TUSC3: variants seen among roughly 807,000 people sequenced by gnomAD.
The protein encoded by TUSC3 is tumor suppressor candidate 3.
In TUSC3, 45 loss-of-function variants were observed where a neutral mutation model predicts 44.8. The observed-to-expected ratio is 1.00, with a 90% CI of 0.79 to 1.29. The LOEUF is 1.29. Among genes scored for constraint, TUSC3 ranks in the 50% most tolerant of loss-of-function variants. The pLI, the probability that TUSC3 is intolerant of heterozygous loss-of-function variation, is 0.00. For missense variants in TUSC3, 519 were observed against 437.9 expected (o/e 1.19, Z -1.65); for synonymous variants, 212 against 152.9 (o/e 1.39, Z -2.85).
chr8:15,742,130 A>C (rs1388913177), intron 7 of TUSC3, among the ~76,000 whole-genome samples: 1 of 148,598 alleles, frequency 6.7e-6, no homozygotes, highest in Non-Finnish European at 1.5e-5. Flanking sequence ...TACTGCCTAC[A>C]TGATTGAAAG....
intron 1 of TUSC3, among the ~76,000 whole-genome samples, chr8:15,476,376 G>A (rs1563261060): frequency 2.0e-5 from 3 of 152,120 alleles, no homozygotes; most frequent in Non-Finnish European, 4.4e-5. Flanking sequence ...TAAAGGATGT[G>A]CTGACTTTAA....
chr8:15,476,324 G>C (rs918240022), intron 1 of TUSC3, among the ~76,000 whole-genome samples: 2 of 152,054 alleles, frequency 1.3e-5, no homozygotes, highest in Non-Finnish European at 2.9e-5. Flanking sequence ...CTATTCCTCT[G>C]CGTTCTATTA....
chr8:15,692,337 T>C (rs903653965), intron 6 of TUSC3, among the ~76,000 whole-genome samples: 1 of 143,432 alleles, frequency 7.0e-6, no homozygotes, highest in African/African-American at 2.5e-5. Flanking sequence ...GCTAGCCTCA[T>C]AGAATGAGTT....
intron 1 of TUSC3, among the ~76,000 whole-genome samples, chr8:15,454,100 G>A (rs978971255): frequency 6.6e-6 from 1 of 152,146 alleles, no homozygotes; most frequent in African/African-American, 2.4e-5. Context: ...GTGCTGGCAG[G>A]CCACTGCACA....
At chr8:15,720,907 T>G (rs1313135607) in intron 6 of TUSC3, among the ~76,000 whole-genome samples, 1 of 152,106 alleles carries the variant, frequency 6.6e-6, no homozygotes, top group Admixed American at 6.6e-5. Context: ...AGTAATTCCC[T>G]GGCCACCCAG....
chr8:15,689,821 GGTGTGTGTGTGTGTGTGTGTGTGTGT>G (rs71543657), intron 6 of TUSC3, among the ~76,000 whole-genome samples: 3 of 131,022 alleles, frequency 2.3e-5, no homozygotes, highest in Admixed American at 1.6e-4. Flanking sequence ...AATAGTCCAT[GGTGTGTGTGTGTGTGTGTGTGTGTGT>G]GTGTGTGTGT....
chr8:15,740,422 A>T (rs935436972), intron 7 of TUSC3, among the ~76,000 whole-genome samples: 8 of 152,084 alleles, frequency 5.3e-5, no homozygotes, highest in Non-Finnish European at 1.0e-4. Flanking sequence ...TATAAAGGAG[A>T]ATCTGAACGC....
intron 2 of TUSC3, among the ~76,000 whole-genome samples, chr8:15,513,622 C>G (rs1466358833): frequency 1.3e-5 from 2 of 152,084 alleles, no homozygotes; most frequent in Non-Finnish European, 2.9e-5. Flanking sequence ...TAATGGTGGT[C>G]AAGTGCTTTG....
At chr8:15,688,986 G>T in intron 6 of TUSC3, 2 of 248,188 alleles carry the variant, frequency 8.1e-6, no homozygotes, top group South Asian at 9.7e-5. Flanking sequence ...CCTGCTTGCT[G>T]ACTTGGGGTT....
At chr8:15,817,156 C>CT in the TUSC3 span, among the ~76,000 whole-genome samples, 1 of 152,112 alleles carries the variant, frequency 6.6e-6, no homozygotes, top group Non-Finnish European at 1.5e-5. Flanking sequence ...TGATGTTTCT[C>CT]TTTTTTAAAA....
At position 15,671,612 on chromosome 8, in the gene TUSC3, A is replaced by G. The variant is rs553580771; in HGVS notation, c.709-2135A>G. ...GAACCTGGTTTTGTTTTATTAAACC[A>G]TTTCCTGGAATCTTGATTAATTATG... On this transcript the variant is annotated intron_variant, in intron 5 of 10. Coordinates refer to ENST00000503731, the MANE Select transcript of TUSC3 (RefSeq NM_006765.4). Among the ~76,000 whole-genome samples the G allele has an allele frequency of 2.0e-5, 3 of 152,056 alleles. No homozygotes were observed. In the East Asian group the frequency reaches 5.8e-4, roughly 29 times the overall value.
chr8:15,744,488 G>C (rs980218741), intron 8 of TUSC3, among the ~76,000 whole-genome samples: 9 of 152,060 alleles, frequency 5.9e-5, no homozygotes, highest in South Asian at 2.1e-4. Context: ...TGTATGAGCA[G>C]TATAGGTATC....
chr8:15,528,780 A>G (rs1181834560), intron 2 of TUSC3, among the ~76,000 whole-genome samples: 2 of 152,162 alleles, frequency 1.3e-5, no homozygotes, highest in Admixed American at 1.3e-4. Context: ...ACATTTGTCC[A>G]TATCCCTACC....
chr8:15,643,473 C>A (rs566187490), intron 2 of TUSC3, among the ~76,000 whole-genome samples: 4 of 151,004 alleles, frequency 2.6e-5, no homozygotes, highest in African/African-American at 9.8e-5. Flanking sequence ...GCTAACTCTG[C>A]GTATTGTATA....
At chr8:15,839,571 T>A in the TUSC3 span, among the ~76,000 whole-genome samples, 3 of 152,130 alleles carry the variant, frequency 2.0e-5, no homozygotes, top group African/African-American at 7.2e-5. Context: ...GTGAAGGATA[T>A]GAACAGACAT....
intron 2 of TUSC3, among the ~76,000 whole-genome samples, chr8:15,501,241 T>C (rs1159211489): frequency 6.6e-6 from 1 of 152,200 alleles, no homozygotes; most frequent in Admixed American, 6.5e-5. Context: ...CTCTGGACTT[T>C]CCTTCTCTTT....
the TUSC3 span, among the ~76,000 whole-genome samples, chr8:15,780,604 C>G: frequency 1.3e-5 from 2 of 152,210 alleles, no homozygotes; most frequent in African/African-American, 4.8e-5. Flanking sequence ...TAGCTTCTGA[C>G]TAGTCTGCAT....
In TUSC3 at chr8:15,669,116, C is replaced by G. The variant is rs145008086; in HGVS notation, c.709-4631C>G. ...ATATCCAGCCATGGCTCAGTACATT[C>G]CCCAATTAGATTAGGGTGATAACAC... is the stretch of plus-strand genomic sequence containing the variant. On this transcript the variant is annotated intron_variant, in intron 5 of 10. Coordinates refer to ENST00000503731, the MANE Select transcript of TUSC3 (RefSeq NM_006765.4). Among the ~76,000 whole-genome samples the G allele has an allele frequency of 2.6e-4, 40 of 151,830 alleles. No individual in the cohort carries two copies. The East Asian group carries it at 6.6e-3, about 25-fold the overall frequency.
intron 7 of TUSC3, among the ~76,000 whole-genome samples, chr8:15,741,208 A>G (rs757890767): frequency 6.6e-6 from 1 of 152,118 alleles, no homozygotes; most frequent in African/African-American, 2.4e-5. Context: ...ACATACTAAT[A>G]TATTGCTTTA....
Sources: gnomAD v4.1 joint callset for allele counts (sites outside exome capture counted in the v4.1 genomes callset) on GRCh38, gnomAD v4.1.1 for gene constraint, MANE v1.5 for transcripts, NCBI Gene and HGNC (gene_info 2026-07-23, HGNC 2026-07-21) for gene names.